The following CNPY3 variants were observed in gnomAD, a reference collection of about 807,000 sequenced individuals.
CNPY3 encodes protein canopy homolog 3.
A neutral mutation model predicts 32.0 loss-of-function variants in CNPY3; 20 were observed. The observed-to-expected ratio is 0.63, with a 90% CI of 0.44 to 0.91. The LOEUF is 0.91. CNPY3 is among the 40% of genes least tolerant of loss of function. The pLI is 0.00. For missense variants in CNPY3, 299 were observed against 340.8 expected (o/e 0.88, Z 0.97); for synonymous variants, 138 against 142.9 (o/e 0.97, Z 0.24).
upstream of CNPY3, among the ~76,000 whole-genome samples, chr6:42,928,578 G>A (rs1767528941): frequency 6.6e-6 from 1 of 152,160 alleles, no homozygotes; most frequent in African/African-American, 2.4e-5. Flanking sequence ...GCCATTAAGT[G>A]TTCCCCTTAA....
chr6:42,935,327 A>T, intron 2 of CNPY3: 3 of 725,674 alleles, frequency 4.1e-6, no homozygotes, highest in Non-Finnish European at 5.1e-6. Context: ...TTTATCAAAA[A>T]ATCTAAATAC....
intron 1 of CNPY3, 136 bp downstream of exon 1, chr6:42,929,857 G>A: frequency 1.9e-6 from 2 of 1,043,438 alleles, no homozygotes; most frequent in South Asian, 1.7e-5. Flanking sequence ...GCTTGCGCCG[G>A]GACGCTGCGG....
rs1038833163 is a variant in CNPY3, at chr6:42,937,645, G to A, written c.373-72G>A. On this transcript the variant is annotated intron_variant, in intron 3 of 5. Coordinates refer to ENST00000372836, the MANE Select transcript of CNPY3 (RefSeq NM_006586.5). Reference sequence around the variant, plus strand: ...CATTGGTCTTATAGCTGGGTTCTTAGCCACCACTGGGAGACGAGGGTGGGA... The same window carrying A: ...CATTGGTCTTATAGCTGGGTTCTTAACCACCACTGGGAGACGAGGGTGGGA... The A allele has an allele frequency of 1.2e-5, 19 of 1,561,002 alleles. No homozygotes were observed. The Admixed American group carries it at 3.1e-4, about 26-fold the overall frequency.
chr6:42,929,585 T>A lies in CNPY3; in HGVS notation c.15T>A (p.Pro5=), dbSNP rs1455247159. MDSM[P]EPASRCLLLL... Reference sequence around the variant, plus strand: ...CCGGCCGGGCCATGGATTCAATGCCTGAGCCCGCGTCCCGCTGTCTTCTGC... The same window carrying A: ...CCGGCCGGGCCATGGATTCAATGCCAGAGCCCGCGTCCCGCTGTCTTCTGC... The change falls in exon 1 of 6, where the codon CCT becomes CCA. Residue 5 remains proline (P), a synonymous_variant. Transcript: ENST00000372836. The A allele has an allele frequency of 6.3e-7, 1 of 1,576,652 alleles. No homozygotes were observed. Among genetic ancestry groups the A allele is most frequent in the African/African-American group, 1.3e-5 (1 of 74,586 alleles).
At chr6:42,936,818 G>A (rs1367701776) in intron 3 of CNPY3, among the ~76,000 whole-genome samples, 1 of 152,198 alleles carries the variant, frequency 6.6e-6, no homozygotes, top group African/African-American at 2.4e-5. Context: ...TTACAGGCAT[G>A]AGCCACTGCA....
rs1768420120 is a variant in CNPY3, at chr6:42,938,853, GCT to G, written c.*65_*66del. The G allele has an allele frequency of 1.1e-5, 16 of 1,487,792 alleles. No homozygotes were observed. The South Asian group carries it at 2.1e-4, about 19-fold the overall frequency. 92.2% of individuals were successfully genotyped at this position (1,487,792 alleles called of 1,614,324 possible). A position where few individuals can be genotyped will look rare whatever the true frequency, so the allele number is the denominator to read the frequency against. On this transcript the variant is annotated 3_prime_UTR_variant, in exon 6 of 6. Coordinates refer to ENST00000372836, the MANE Select transcript of CNPY3 (RefSeq NM_006586.5). ...TTGAAGCTGAGGAGTCAGGGGCATGGCTCTGGCAGGCCGGGATGGCCCCGCAG... is the reference window on the plus strand; with the variant it reads ...TTGAAGCTGAGGAGTCAGGGGCATGGCTGGCAGGCCGGGATGGCCCCGCAG...
At chr6:42,930,639 T>C (rs1767725050) in intron 1 of CNPY3, among the ~76,000 whole-genome samples, 1 of 152,136 alleles carries the variant, frequency 6.6e-6, no homozygotes, top group Non-Finnish European at 1.5e-5. Flanking sequence ...GACCTTACAG[T>C]CATGCCTGCC....
chr6:42,930,993 G>A (rs1438615389), intron 1 of CNPY3, among the ~76,000 whole-genome samples: 1 of 151,564 alleles, frequency 6.6e-6, no homozygotes, highest in Non-Finnish European at 1.5e-5. Flanking sequence ...AGGTTCAAAC[G>A]ATTTTCCTGT....
Position 42,934,521 on chromosome 6 carries a change from C to G in CNPY3, c.198C>G (p.Thr66=). The G allele has an allele frequency of 6.2e-7, 1 of 1,614,064 alleles. No individual in the cohort carries two copies. The highest frequency in any genetic ancestry group is 8.5e-7 in the Non-Finnish European group (1 of 1,179,984). ...AGCTGAAGTCAGCCTTTGAGGAAAC[C>G]GGCAAGACCAAGGAGGTGATTGGCA... ...AVELKSAFEE[T]GKTKEVIGTG... Residue 66 remains threonine (T), a synonymous_variant, in exon 2 of 6, where the codon ACC becomes ACG. Coordinates refer to ENST00000372836, the MANE Select transcript of CNPY3 (RefSeq NM_006586.5).
intron 4 of CNPY3, 43 bp downstream of exon 4, chr6:42,937,882 A>C: frequency 6.2e-7 from 1 of 1,612,050 alleles, no homozygotes. Flanking sequence ...GTGCCCAGTG[A>C]GGGGCTGGTG....
At chr6:42,935,152 G>A (rs750917643) in intron 2 of CNPY3, among the ~76,000 whole-genome samples, 2 of 152,260 alleles carry the variant, frequency 1.3e-5, no homozygotes, top group South Asian at 4.1e-4. Context: ...ACAGGTGTGA[G>A]CCACCACACC....
chr6:42,939,010 C>T lies in CNPY3; in HGVS notation c.*219C>T. 7.5e-7 allele frequency: 1 copy of T among 1,334,526 alleles called. No homozygotes were observed. The highest frequency in any genetic ancestry group is 9.6e-7 in the Non-Finnish European group (1 of 1,042,846). The allele number at this position is 1,334,526 out of a possible 1,614,324, so 82.7% of individuals were successfully genotyped here. A position where few individuals can be genotyped will look rare whatever the true frequency, so the allele number is the denominator to read the frequency against. On this transcript the variant is annotated 3_prime_UTR_variant, in exon 6 of 6. Transcript: ENST00000372836. ...CCTCCCCAAGTGTTTCTCTCCTGAC[C>T]CAGGGTTCAGGCAGGCCTTGTGGTT...
rs1768337017 is a variant in CNPY3 at position 42,937,758 on chromosome 6, C to T, written c.414C>T (p.His138=). 6.2e-7 allele frequency: 1 copy of T among 1,614,104 alleles called. No homozygotes were observed. The highest frequency in any genetic ancestry group is 2.2e-5 in the East Asian group (1 of 44,880). ...TTGAGACATTACACAACCTGGTACA[C>T]AAAGGGGTCAAGGTGGTGATGGACA... ...ETFETLHNLV[H]KGVKVVMDIP... The change falls in exon 4 of 6, where the codon CAC becomes CAT. Residue 138 remains histidine (H), a synonymous_variant. Coordinates refer to ENST00000372836, the MANE Select transcript of CNPY3 (RefSeq NM_006586.5).
intron 1 of CNPY3, among the ~76,000 whole-genome samples, chr6:42,931,495 G>A (rs996364497): frequency 2.0e-5 from 3 of 150,328 alleles, no homozygotes; most frequent in East Asian, 2.0e-4. Flanking sequence ...TCAGCCTCCC[G>A]AGTAGGTGGG....
At chr6:42,929,375 G>A (rs1386395264), upstream of CNPY3, 1 of 610,842 alleles carries the variant, frequency 1.6e-6, no homozygotes, top group African/African-American at 1.9e-5. Flanking sequence ...AAGCCTATTG[G>A]CTGCGCCGTC....
intron 3 of CNPY3, 79 bp from the exon 4 acceptor site, chr6:42,937,638 G>A: frequency 6.6e-7 from 1 of 1,523,566 alleles, no homozygotes; most frequent in Non-Finnish European, 9.0e-7. Flanking sequence ...TTATAGCTGG[G>A]TTCTTAGCCA....
rs750467042 is a variant in CNPY3 at position 42,935,556 on chromosome 6, A to G, written c.276-18A>G. 6.2e-7 allele frequency: 1 copy of G among 1,602,014 alleles called. No homozygotes were observed. The highest frequency in any genetic ancestry group is 2.2e-5 in the East Asian group (1 of 44,510). ...GGCTAGGAGGGGAACTCAGTTCCTC[A>G]TCCTCCTGTCTTGGCAGGGACTTGC... On this transcript the variant is annotated intron_variant, in intron 2 of 5. Transcript: ENST00000372836.
upstream of CNPY3, chr6:42,929,467 C>T (rs773458922): frequency 1.2e-4 from 150 of 1,243,592 alleles, no homozygotes; most frequent in Non-Finnish European, 1.5e-4. Context: ...CGTGGTTGCT[C>T]GGAGGCACGT....
At chr6:42,928,860 T>C (rs764448438), upstream of CNPY3, among the ~76,000 whole-genome samples, 8 of 152,162 alleles carry the variant, frequency 5.3e-5, no homozygotes, top group Non-Finnish European at 1.0e-4. Context: ...CCACAGCAGC[T>C]AGGAGGATCA....
Sources: gnomAD v4.1 joint callset for allele counts (sites outside exome capture counted in the v4.1 genomes callset) on GRCh38, gnomAD v4.1.1 for gene constraint, MANE v1.5 for transcripts, NCBI Gene and HGNC (gene_info 2026-07-23, HGNC 2026-07-21) for gene names.